ICE1: variants seen among roughly 807,000 people sequenced by gnomAD.
The protein encoded by ICE1 is interactor of little elongation complex ELL subunit 1, also known as little elongation complex subunit 1.
In ICE1, 64 loss-of-function variants were observed where a neutral mutation model predicts 192.7. The observed-to-expected ratio is 0.33, with a 90% CI of 0.27 to 0.41. ICE1 has a LOEUF of 0.41. Ranked by LOEUF, ICE1 falls within the 10% of genes least tolerant of loss-of-function variation. The pLI, the probability that ICE1 is intolerant of heterozygous loss-of-function variation, is 1.00. For missense variants in ICE1, 2,708 were observed against 2,696.0 expected, an observed-to-expected ratio of 1.00 and a Z score of -0.10; for synonymous variants, 1,010 against 984.5, an observed-to-expected ratio of 1.03 and a Z score of -0.49.
At chr5:5,472,680 T>G (rs1009115196) in intron 15 of ICE1, among the ~76,000 whole-genome samples, 2 of 152,204 alleles carry the variant, frequency 1.3e-5, no homozygotes, top group Non-Finnish European at 2.9e-5. Flanking sequence ...ATGGCCAAGC[T>G]ACAGGTTCAC....
At chr5:5,454,344 A>G (rs532182434) in intron 10 of ICE1, among the ~76,000 whole-genome samples, 2 of 152,278 alleles carry the variant, frequency 1.3e-5, no homozygotes, top group South Asian at 2.1e-4. Flanking sequence ...AAAGCAAACA[A>G]AAGTACCTTC....
chr5:5,427,312 C>T (rs751155249), intron 1 of ICE1, among the ~76,000 whole-genome samples: 3 of 152,192 alleles, frequency 2.0e-5, no homozygotes, highest in East Asian at 1.9e-4. Context: ...TCAGATATAA[C>T]AGTGTGGGTC....
intron 10 of ICE1, 142 bp from the exon 11 acceptor site, chr5:5,454,410 T>A: frequency 1.8e-6 from 1 of 564,586 alleles, no homozygotes. Context: ...ACTGACTGTA[T>A]TGTGCACAAT....
intron 6 of ICE1, among the ~76,000 whole-genome samples, 174 bp from the exon 7 acceptor site, chr5:5,444,115 C>T (rs534454052): frequency 6.6e-6 from 1 of 152,276 alleles, no homozygotes; most frequent in South Asian, 2.1e-4. Context: ...TTTTAATCCA[C>T]TGTAAAGATA....
intron 1 of ICE1, among the ~76,000 whole-genome samples, chr5:5,435,794 T>C (rs999703054): frequency 6.6e-6 from 1 of 150,910 alleles, no homozygotes; most frequent in Non-Finnish European, 1.5e-5. Context: ...CTCAGCCTCC[T>C]GAGTAGCTAG....
intron 17 of ICE1, among the ~76,000 whole-genome samples, chr5:5,478,995 C>A (rs952591426): frequency 3.2e-4 from 48 of 152,106 alleles, no homozygotes; most frequent in Non-Finnish European, 2.8e-4. Context: ...CATAAAAACC[C>A]TAAAAGAAAA....
At chr5:5,485,011 A>G (rs757178427) in intron 17 of ICE1, among the ~76,000 whole-genome samples, 1 of 152,124 alleles carries the variant, frequency 6.6e-6, no homozygotes, top group East Asian at 1.9e-4. Context: ...CTCCTGGAGT[A>G]AGGGAAGGCT....
intron 18 of ICE1, among the ~76,000 whole-genome samples, chr5:5,488,840 T>G (rs559881012): frequency 1.2e-3 from 183 of 152,288 alleles, no homozygotes; most frequent in Middle Eastern, 3.4e-3. Flanking sequence ...CAGAACTGTT[T>G]TGGGAAGCTC....
chr5:5,476,357 A>T (rs1293940126), intron 17 of ICE1, among the ~76,000 whole-genome samples: 1 of 152,160 alleles, frequency 6.6e-6, no homozygotes, highest in Non-Finnish European at 1.5e-5. Context: ...AAAGACTAGG[A>T]TATATAAGTC....
chr5:5,438,969 A>C (rs745640505), intron 3 of ICE1, among the ~76,000 whole-genome samples: 1 of 152,228 alleles, frequency 6.6e-6, no homozygotes, highest in Non-Finnish European at 1.5e-5. Context: ...TCACAGATTT[A>C]ACATGGCTTT....
At chr5:5,451,398 C>G (rs987379173) in intron 10 of ICE1, among the ~76,000 whole-genome samples, 2 of 152,006 alleles carry the variant, frequency 1.3e-5, no homozygotes, top group African/African-American at 4.8e-5. Context: ...AAATAGGAAA[C>G]AAAGCAATTG....
intron 3 of ICE1, 54 bp from the exon 4 acceptor site, chr5:5,439,841 T>C: frequency 1.6e-6 from 2 of 1,243,870 alleles, no homozygotes; most frequent in East Asian, 2.6e-5. Context: ...GAGTTTTATC[T>C]CCAGAGAAGT....
chr5:5,462,093 C>T lies in ICE1; in HGVS notation c.2759C>T (p.Ala920Val), dbSNP rs895763888. Residue 920 changes from alanine (A) to valine (V), a missense_variant, in exon 13 of 19, where the codon GCT (alanine) becomes GTT (valine). Ala to Val is a moderately conservative substitution (Grantham distance 64, BLOSUM62 0). Around this residue, in one of 2 missense-constraint regions of ICE1, gnomAD observed 2,366 missense variants for 2,276.6 expected, o/e 1.04. Coordinates refer to ENST00000296564, the MANE Select transcript of ICE1 (RefSeq NM_015325.3). ...ACACAAAACATCACGGAGGTGGCTG[C>T]TGTGAAAAGCATTTCACCAGAAGTT... is the stretch of plus-strand genomic sequence containing the variant. ...DTTQNITEVAAVKSISPEVSA... is the reference protein window; with the variant it reads ...DTTQNITEVAVVKSISPEVSA... 1 of 1,613,700 alleles carries T rather than the reference C, an allele frequency of 6.2e-7. No homozygotes were observed. The highest frequency in any genetic ancestry group is 1.3e-5 in the African/African-American group (1 of 74,936).
At chr5:5,433,283 TG>T (rs2111336303) in intron 1 of ICE1, among the ~76,000 whole-genome samples, 1 of 152,292 alleles carries the variant, frequency 6.6e-6, no homozygotes, top group Admixed American at 6.5e-5. Context: ...TGAGGCATGG[TG>T]GATGGTTGGG....
chr5:5,462,531 C>T lies in ICE1; in HGVS notation c.3197C>T (p.Thr1066Ile), dbSNP rs779179049. The T allele has an allele frequency of 5.0e-6, 8 of 1,613,866 alleles. No individual in the cohort carries two copies. In the Admixed American group the frequency reaches 1.0e-4, roughly 20 times the overall value. The change falls in exon 13 of 19, where the codon ACC becomes ATC. Residue 1066 changes from threonine (T) to isoleucine (I), a missense_variant. Physicochemically the swap from Thr to Ile is moderately conservative, Grantham distance 89. Coordinates refer to ENST00000296564, the MANE Select transcript of ICE1 (RefSeq NM_015325.3). ...GGTGCTTTGCCTGAGTGTTTTGGCA[C>T]CACAGACACTACTTTTTCTTCAGCA... is the stretch of plus-strand genomic sequence containing the variant. ...PGGALPECFG[T>I]TDTTFSSAFC... is the part of the protein sequence containing the mutation.
intron 17 of ICE1, among the ~76,000 whole-genome samples, chr5:5,483,404 A>G (rs1454514537): frequency 6.6e-6 from 1 of 152,230 alleles, no homozygotes; most frequent in Non-Finnish European, 1.5e-5. Flanking sequence ...TGTTGGATTC[A>G]GGTGTGAGCA....
intron 10 of ICE1, among the ~76,000 whole-genome samples, chr5:5,453,244 C>T (rs148234489): frequency 6.6e-6 from 1 of 151,890 alleles, no homozygotes; most frequent in African/African-American, 2.4e-5. Context: ...ATAAGCTACT[C>T]GATCACAGAA....
intron 1 of ICE1, among the ~76,000 whole-genome samples, chr5:5,430,488 T>G (rs1314895735): frequency 6.6e-6 from 1 of 152,146 alleles, no homozygotes; most frequent in Admixed American, 6.6e-5. Flanking sequence ...TTTTGTTTAA[T>G]CACAGTTAAA....
At chr5:5,425,345 T>A (rs998463264) in intron 1 of ICE1, among the ~76,000 whole-genome samples, 3 of 152,190 alleles carry the variant, frequency 2.0e-5, no homozygotes, top group African/African-American at 7.2e-5. Flanking sequence ...TCACAAGTAT[T>A]TAGGCTTTGG....
Sources: gnomAD v4.1 joint callset for allele counts (sites outside exome capture counted in the v4.1 genomes callset) on GRCh38, gnomAD v4.1.1 for gene constraint, gnomAD v4.1.1 regional missense constraint, MANE v1.5 for transcripts, NCBI Gene and HGNC (gene_info 2026-07-23, HGNC 2026-07-21) for gene names.